The following ZNF280D variants were observed in gnomAD, a reference collection of about 807,000 sequenced individuals.
The protein encoded by ZNF280D is zinc finger protein 280D, also known as suppressor of hairy wing homolog 4.
A neutral mutation model predicts 94.7 loss-of-function variants in ZNF280D; 39 were observed. The observed-to-expected ratio is 0.41, with a 90% CI of 0.32 to 0.54. ZNF280D has a LOEUF of 0.54. ZNF280D is among the 20% of genes least tolerant of loss of function. The pLI is 0.22. For synonymous variants in ZNF280D, 398 were observed against 377.6 expected (o/e 1.05, Z -0.63); for missense variants, 1,090 against 1,149.3 (o/e 0.95, Z 0.75).
chr15:56,731,437 G>T (rs1360749461), intron 1 of ZNF280D, among the ~76,000 whole-genome samples: 2 of 142,282 alleles, frequency 1.4e-5, no homozygotes, highest in African/African-American at 5.1e-5. Context: ...CAGGAAGGAG[G>T]TCAAGGATGC....
chr15:56,699,244 G>C (rs1449707333), intron 6 of ZNF280D: 2 of 331,602 alleles, frequency 6.0e-6, no homozygotes, highest in African/African-American at 4.5e-5. Flanking sequence ...AAAATAACAA[G>C]GCTGTGGGCT....
At chr15:56,673,269 C>T (rs1373364237) in intron 13 of ZNF280D, among the ~76,000 whole-genome samples, 1 of 151,828 alleles carries the variant, frequency 6.6e-6, no homozygotes, top group Non-Finnish European at 1.5e-5. Flanking sequence ...ATCCCTGTCC[C>T]CCTCCTACAA....
intron 19 of ZNF280D, among the ~76,000 whole-genome samples, chr15:56,650,516 C>A (rs1288893959): frequency 6.6e-6 from 1 of 152,052 alleles, no homozygotes; most frequent in Non-Finnish European, 1.5e-5. Context: ...TTGCTTAGAA[C>A]AAACATGGAT....
chr15:56,648,151 T>C (rs2053006814), intron 19 of ZNF280D, among the ~76,000 whole-genome samples: 1 of 152,114 alleles, frequency 6.6e-6, no homozygotes, highest in Non-Finnish European at 1.5e-5. Flanking sequence ...CTTATGATCA[T>C]GCCAGGGAAA....
chr15:56,731,926 T>A (rs1373297993), intron 1 of ZNF280D, among the ~76,000 whole-genome samples: 1 of 152,194 alleles, frequency 6.6e-6, no homozygotes, highest in African/African-American at 2.4e-5. Flanking sequence ...TAATCCCAGC[T>A]ACGGAGGCTG....
intron 1 of ZNF280D, among the ~76,000 whole-genome samples, chr15:56,725,977 A>T (rs1283631412): frequency 1.3e-5 from 2 of 152,176 alleles, no homozygotes; most frequent in Non-Finnish European, 2.9e-5. Flanking sequence ...AAATGACTGA[A>T]ATATTTTTTG....
intron 14 of ZNF280D, chr15:56,668,014 C>G (rs2054411700): frequency 8.0e-6 from 3 of 373,286 alleles, no homozygotes. Context: ...TTCTGCATGT[C>G]TAGTCCCAAC....
chr15:56,689,532 G>A, intron 7 of ZNF280D, 62 bp from the exon 8 acceptor site: 3 of 1,039,584 alleles, frequency 2.9e-6, no homozygotes, highest in African/African-American at 1.6e-5. Context: ...TTACATCTGA[G>A]TAAAAATATT....
At chr15:56,663,559 G>A (rs184532532) in intron 16 of ZNF280D, among the ~76,000 whole-genome samples, 2 of 152,246 alleles carry the variant, frequency 1.3e-5, no homozygotes, top group Admixed American at 6.5e-5. Flanking sequence ...CTAATGCAAT[G>A]AGGGAAGCAA....
At chr15:56,691,929 C>T (rs1237519628) in intron 7 of ZNF280D, among the ~76,000 whole-genome samples, 2 of 151,944 alleles carry the variant, frequency 1.3e-5, no homozygotes, top group Non-Finnish European at 2.9e-5. Context: ...TATGAGAAAA[C>T]CAAAGTGGTT....
chr15:56,703,366 C>G (rs951893238), intron 4 of ZNF280D, among the ~76,000 whole-genome samples: 3 of 152,178 alleles, frequency 2.0e-5, no homozygotes, highest in African/African-American at 7.2e-5. Flanking sequence ...AGGCCAGAGT[C>G]TGTGCAATCA....
chr15:56,713,595 T>C (rs2057888238), intron 1 of ZNF280D, among the ~76,000 whole-genome samples: 1 of 152,184 alleles, frequency 6.6e-6, no homozygotes, highest in African/African-American at 2.4e-5. Context: ...AGAATTCCAA[T>C]CTCAGATGAA....
At position 56,633,043 on chromosome 15, in the gene ZNF280D, C is replaced by A. The variant is rs574373971; in HGVS notation, c.2316-921G>T. On this transcript the variant is annotated intron_variant, in intron 21 of 21. Transcript: ENST00000267807. Reference sequence around the variant, plus strand: ...TTAACAGAAACTATCTAGTGAATCACAAAATATGAGAAACAAGATTTCTAA... The same window carrying A: ...TTAACAGAAACTATCTAGTGAATCAAAAAATATGAGAAACAAGATTTCTAA... Among the ~76,000 whole-genome samples the A allele has an allele frequency of 6.2e-4, 95 of 152,054 alleles. 2 individuals carry two copies. Among genetic ancestry groups the A allele is most frequent in the African/African-American group, 2.2e-3 (93 of 41,458 alleles).
At position 56,633,542 on chromosome 15, in the gene ZNF280D, G is replaced by A. The variant is rs560673807; in HGVS notation, c.2316-1420C>T. On this transcript the variant is annotated intron_variant, in intron 21 of 21. Coordinates refer to ENST00000267807, the MANE Select transcript of ZNF280D (RefSeq NM_017661.4). ...GTCTCACTGTGACGTCCAGGGTGGGGTGCAGTGGCATGATCTCGGCTCATT... is the reference window on the plus strand; with the variant it reads ...GTCTCACTGTGACGTCCAGGGTGGGATGCAGTGGCATGATCTCGGCTCATT... 2.8e-4 allele frequency among the ~76,000 whole-genome samples: 43 copies of A among 151,994 alleles called. No individual in the cohort carries two copies. In the South Asian group the frequency reaches 8.1e-3, roughly 29 times the overall value.
chr15:56,687,769 A>G (rs2056126517), intron 9 of ZNF280D, among the ~76,000 whole-genome samples: 1 of 152,208 alleles, frequency 6.6e-6, no homozygotes, highest in African/African-American at 2.4e-5. Flanking sequence ...TAATTCTCCT[A>G]TAAGACCAAA....
intron 1 of ZNF280D, among the ~76,000 whole-genome samples, chr15:56,717,714 AATTTAGTT>A (rs1269138589): frequency 4.6e-5 from 7 of 152,182 alleles, no homozygotes; most frequent in African/African-American, 1.7e-4. Context: ...CAGCTGTGGA[AATTTAGTT>A]ATACAGGGTA....
chr15:56,704,133 G>C lies in ZNF280D; in HGVS notation c.163C>G (p.Pro55Ala). Residue 55 changes from proline (P) to alanine (A), a missense_variant, in exon 4 of 22, where the codon CCA becomes GCA. Physicochemically the swap from Pro to Ala is conservative, Grantham distance 27. Around this residue, in one of 3 missense-constraint regions of ZNF280D, gnomAD observed 386 missense variants for 372.0 expected, o/e 1.04. Transcript: ENST00000267807. ...AGTAAATGCTTACTTGAAATTGCTG[G>C]TTTTGAACTTGATATCTCGCCAACA... is the stretch of plus-strand genomic sequence containing the variant. ...IFVGEISSSK[P>A]AISNILNRVN... 6.2e-7 allele frequency: 1 copy of C among 1,613,474 alleles called. No homozygotes were observed. The highest frequency in any genetic ancestry group is 8.5e-7 in the Non-Finnish European group (1 of 1,179,856).
In ZNF280D at chr15:56,642,956, G is replaced by T; in HGVS notation, c.2255C>A (p.Ser752Tyr). 1 of 1,504,086 alleles carries T rather than the reference G, an allele frequency of 6.6e-7. No individual in the cohort carries two copies. Among genetic ancestry groups the T allele is most frequent in the South Asian group, 1.3e-5 (1 of 74,270 alleles). 93.2% of individuals were successfully genotyped at this position (1,504,086 alleles called of 1,614,324 possible). A position where few individuals can be genotyped will look rare whatever the true frequency, so the allele number is the denominator to read the frequency against. ...ATAAAGTAAAACAAACTTTACCTTA[G>T]ACACAGGTTCTTGTTCCTTTGCGGG... ...EAPAKEQEPV[S>Y]KEIARPNMAE... The change falls in exon 20 of 22, where the codon TCT becomes TAT. Residue 752 changes from serine to tyrosine, a missense_variant. By Grantham distance (144) the Ser-to-Tyr change is moderately radical. Coordinates refer to ENST00000267807, the MANE Select transcript of ZNF280D (RefSeq NM_017661.4).
At chr15:56,718,257 T>C (rs1226918646) in intron 1 of ZNF280D, among the ~76,000 whole-genome samples, 1 of 152,034 alleles carries the variant, frequency 6.6e-6, no homozygotes, top group African/African-American at 2.4e-5. Context: ...AGCAGTTAGG[T>C]TGAAGCTCAA....
Sources: allele counts gnomAD v4.1 joint callset (sites outside exome capture counted in the v4.1 genomes callset), GRCh38; gene constraint gnomAD v4.1.1; regional missense constraint gnomAD v4.1.1; transcripts MANE v1.5; gene names NCBI Gene and HGNC (gene_info 2026-07-23, HGNC 2026-07-21).